Variants in LRRC4B observed in about 807,000 individuals in gnomAD.
The protein encoded by LRRC4B is leucine rich repeat containing 4B, also known as leucine-rich repeat-containing protein 4B.
A neutral mutation model predicts 7.3 loss-of-function variants in LRRC4B; 1 was observed. That is an observed-to-expected ratio of 0.14 (90% CI 0.05 to 0.65). The LOEUF is 0.65. Ranked by LOEUF, LRRC4B falls within the 30% of genes least tolerant of loss-of-function variation. The pLI is 0.84. For synonymous variants in LRRC4B, 500 were observed against 499.2 expected, an observed-to-expected ratio of 1.00 and a Z score of -0.02; for missense variants, 730 against 1,041.6, an observed-to-expected ratio of 0.70 and a Z score of 4.12.
At position 50,548,733 on chromosome 19, in the gene LRRC4B, C is replaced by T. The variant is rs1465870154; in HGVS notation, c.106G>A (p.Ala36Thr). The T allele has an allele frequency of 1.3e-6, 2 of 1,539,890 alleles. No homozygotes were observed. The highest frequency in any genetic ancestry group is 1.2e-5 in the South Asian group (1 of 83,974). The stretch of plus-strand genomic sequence containing the variant: ...GTCACGGCCACTCCACCTCCACCGG[C>T]CCCCAGGGGTGGGGAGAAGAGCCAG... ...FLWLFSPPLG[A>T]GGGGVAVTSA... The change falls in exon 2 of 3, where the codon GCC (alanine) becomes ACC (threonine). Residue 36 changes from alanine to threonine, a missense_variant. This residue lies in a region of LRRC4B where 143 missense variants were observed against 158.4 expected (regional missense o/e 0.90). Coordinates refer to ENST00000652263, the MANE Select transcript of LRRC4B (RefSeq NM_001080457.2). This position sits in a 1 kb window ranked among gnomAD's most constrained non-coding sequence, Gnocchi z 6.8.
Position 50,517,852 on chromosome 19 carries a change from C to T in LRRC4B, c.1861G>A (p.Glu621Lys). 1.3e-6 allele frequency: 2 copies of T among 1,587,206 alleles called. No individual in the cohort carries two copies. Among genetic ancestry groups the T allele is most frequent in the Non-Finnish European group, 1.7e-6 (2 of 1,170,750 alleles). ...GCCGAGGCGGCGGGCAGCTCGTCCT[C>T]CACGTTGATGATCTCCACGGTGCGC... ...PTRTVEIINV[E>K]DELPAASAVS... Residue 621 changes from glutamate to lysine, a missense_variant, in exon 3 of 3, where the codon GAG becomes AAG. This residue lies in a region of LRRC4B where 160 missense variants were observed against 163.9 expected (regional missense o/e 0.98). Coordinates refer to ENST00000652263, the MANE Select transcript of LRRC4B (RefSeq NM_001080457.2). This position sits in a 1 kb window ranked among gnomAD's most constrained non-coding sequence, Gnocchi z 6.6.
intron 1 of LRRC4B, among the ~76,000 whole-genome samples, chr19:50,562,293 A>G (rs1321467017): frequency 1.3e-5 from 2 of 151,846 alleles, no homozygotes; most frequent in Non-Finnish European, 2.9e-5. Flanking sequence ...TAGGTGTACT[A>G]TTTTGGGCAA....
At chr19:50,533,918 C>T (rs1422039949) in intron 2 of LRRC4B, among the ~76,000 whole-genome samples, 2 of 152,192 alleles carry the variant, frequency 1.3e-5, no homozygotes, top group African/African-American at 4.8e-5. Flanking sequence ...TCTCCTTCTC[C>T]TGAGCACAGA....
At chr19:50,560,150 A>G (rs1982419412) in intron 1 of LRRC4B, among the ~76,000 whole-genome samples, 2 of 152,222 alleles carry the variant, frequency 1.3e-5, no homozygotes, top group African/African-American at 4.8e-5. Flanking sequence ...AACAATAACA[A>G]TAACAAAAAA....
intron 1 of LRRC4B, among the ~76,000 whole-genome samples, chr19:50,565,794 CGT>C (rs1982610608): frequency 6.6e-6 from 1 of 152,082 alleles, no homozygotes; most frequent in Admixed American, 6.5e-5. Context: ...GCCTCACCCG[CGT>C]GTCTGCTCTC....
At chr19:50,542,326 C>T (rs137862920) in intron 2 of LRRC4B, among the ~76,000 whole-genome samples, 105 of 152,266 alleles carry the variant, frequency 6.9e-4, no homozygotes, top group Admixed American at 2.5e-3. Flanking sequence ...GGTCTTCTCC[C>T]AGGGGGCCAG....
chr19:50,521,872 G>A (rs571354965), intron 2 of LRRC4B, among the ~76,000 whole-genome samples: 1 of 146,994 alleles, frequency 6.8e-6, no homozygotes, highest in Non-Finnish European at 1.5e-5. Context: ...ACTATACATA[G>A]TTTTAAAAAT....
chr19:50,520,630 G>GA (rs35776740), intron 2 of LRRC4B, among the ~76,000 whole-genome samples: 20,482 of 114,320 alleles, frequency 0.18, 2,037 homozygotes, highest in East Asian at 0.56. Flanking sequence ...ACTCCGTCTC[G>GA]AAAAAAAAAA....
chr19:50,546,051 T>A (rs180779303), intron 2 of LRRC4B, among the ~76,000 whole-genome samples: 357 of 149,460 alleles, frequency 2.4e-3, no homozygotes, highest in Non-Finnish European at 3.7e-3. Flanking sequence ...AAAGAGCCTC[T>A]GGGCCAGGCG....
At position 50,548,112 on chromosome 19, in the gene LRRC4B, C is replaced by T. The variant is rs1407990638; in HGVS notation, c.297+430G>A. Among the ~76,000 whole-genome samples, 1 of 152,210 alleles carries T rather than the reference C, an allele frequency of 6.6e-6. No individual in the cohort carries two copies. The highest frequency in any genetic ancestry group is 2.4e-5 in the African/African-American group (1 of 41,444). On this transcript the variant is annotated intron_variant, in intron 2 of 2. Transcript: ENST00000652263. The surrounding 1 kb of genome is among the most constrained non-coding windows in gnomAD (Gnocchi z 6.8). ...CTCAACGCAGGGGCTTGCATTGTCCCCGCTTTTCAGATGAAGAAACTGAGG... is the reference window on the plus strand; with the variant it reads ...CTCAACGCAGGGGCTTGCATTGTCCTCGCTTTTCAGATGAAGAAACTGAGG...
intron 2 of LRRC4B, among the ~76,000 whole-genome samples, chr19:50,532,021 G>A (rs924414374): frequency 1.3e-5 from 2 of 152,180 alleles, no homozygotes; most frequent in African/African-American, 2.4e-5. Context: ...TCAGGAGTTC[G>A]AGACCAGCCT....
intron 2 of LRRC4B, among the ~76,000 whole-genome samples, chr19:50,533,549 T>G (rs1288812516): frequency 1.3e-5 from 2 of 152,154 alleles, no homozygotes; most frequent in African/African-American, 4.8e-5. Flanking sequence ...TCTCTTCTCC[T>G]CCCAAATGAT....
chr19:50,545,492 G>A (rs1981762101), intron 2 of LRRC4B, among the ~76,000 whole-genome samples: 1 of 151,568 alleles, frequency 6.6e-6, no homozygotes, highest in African/African-American at 2.4e-5. Context: ...GAGGCAGGAG[G>A]ATCACTTGAG....
rs1982268949 is a variant in LRRC4B, at chr19:50,556,177, G to C, written c.-35-7304C>G. Among the ~76,000 whole-genome samples the C allele has an allele frequency of 6.6e-6, 1 of 152,074 alleles. No individual in the cohort carries two copies. The highest frequency in any genetic ancestry group is 1.5e-5 in the Non-Finnish European group (1 of 68,002). ...TGCTGATGAGGAAGCAGGACTAGGG[G>C]CTTGGCTCAGCTCACGAATTTCCCG... is the stretch of plus-strand genomic sequence containing the variant. On this transcript the variant is annotated intron_variant, in intron 1 of 2. Coordinates refer to ENST00000652263, the MANE Select transcript of LRRC4B (RefSeq NM_001080457.2). The surrounding 1 kb of genome is among the most constrained non-coding windows in gnomAD (Gnocchi z 4.2).
intron 1 of LRRC4B, among the ~76,000 whole-genome samples, chr19:50,560,943 T>A (rs1982441417): frequency 1.3e-5 from 2 of 151,872 alleles, no homozygotes; most frequent in Non-Finnish European, 2.9e-5. Flanking sequence ...TACAAAAAAT[T>A]AGCCAGGCGC....
intron 1 of LRRC4B, among the ~76,000 whole-genome samples, chr19:50,561,931 A>G (rs367791575): frequency 6.7e-6 from 1 of 148,248 alleles, no homozygotes; most frequent in East Asian, 1.9e-4. Flanking sequence ...CGGTGTCTCT[A>G]CCATAAAATA....
At chr19:50,562,390 C>T (rs1255783425) in intron 1 of LRRC4B, among the ~76,000 whole-genome samples, 1 of 151,872 alleles carries the variant, frequency 6.6e-6, no homozygotes, top group East Asian at 1.9e-4. Context: ...CTGAGGAATA[C>T]ACGGAAAAAA....
intron 2 of LRRC4B, among the ~76,000 whole-genome samples, chr19:50,533,006 G>A (rs985443618): frequency 1.3e-5 from 2 of 152,106 alleles, no homozygotes; most frequent in Non-Finnish European, 2.9e-5. Flanking sequence ...TTTTACCTTC[G>A]TGTGCACGTC....
chr19:50,567,521 A>T (rs1270534816), intron 1 of LRRC4B, among the ~76,000 whole-genome samples: 3 of 145,310 alleles, frequency 2.1e-5, no homozygotes, highest in African/African-American at 7.7e-5. Context: ...CCCCCACCCC[A>T]AGCAGCAGCG....
Sources: allele counts gnomAD v4.1 joint callset (sites outside exome capture counted in the v4.1 genomes callset), GRCh38; gene constraint gnomAD v4.1.1; regional missense constraint gnomAD v4.1.1; non-coding constraint Gnocchi (gnomAD v3.1); transcripts MANE v1.5; gene names NCBI Gene and HGNC (gene_info 2026-07-23, HGNC 2026-07-21).